RSPH1: variants seen among roughly 807,000 people sequenced by gnomAD.
RSPH1 encodes radial spoke head component 1.
A neutral mutation model predicts 44.2 loss-of-function variants in RSPH1; 32 were observed. The observed-to-expected ratio is 0.72, with a 90% CI of 0.55 to 0.97. The LOEUF is 0.97. Among genes scored for constraint, RSPH1 ranks in the 50% least tolerant of loss-of-function variants. RSPH1 has a pLI of 0.00. For synonymous variants in RSPH1, 134 were observed against 147.3 expected, an observed-to-expected ratio of 0.91 and a Z score of 0.65; for missense variants, 391 against 398.7, an observed-to-expected ratio of 0.98 and a Z score of 0.16.
At chr21:42,494,651 G>C (rs1256707533) in intron 1 of RSPH1, among the ~76,000 whole-genome samples, 1 of 151,964 alleles carries the variant, frequency 6.6e-6, no homozygotes, top group Non-Finnish European at 1.5e-5. Flanking sequence ...TAGAAATCTT[G>C]CTGGTCAAGT....
chr21:42,482,096 G>GTTTTT (rs2054133833), intron 6 of RSPH1, among the ~76,000 whole-genome samples: 1 of 152,070 alleles, frequency 6.6e-6, no homozygotes, highest in African/African-American at 2.4e-5. Flanking sequence ...TTGTTTGTTT[G>GTTTTT]TTTTTGAGAC....
chr21:42,474,721 C>G lies in RSPH1; in HGVS notation c.877+1177G>C, dbSNP rs2054025763. 6.7e-6 allele frequency among the ~76,000 whole-genome samples: 1 copy of G among 149,068 alleles called. No individual in the cohort carries two copies. The highest frequency in any genetic ancestry group is 1.5e-5 in the Non-Finnish European group (1 of 68,002). On this transcript the variant is annotated intron_variant, in intron 8 of 8. Transcript: ENST00000291536. The surrounding 1 kb of genome is among the most constrained non-coding windows in gnomAD (Gnocchi z 5.2). ...CTTGTAAAGCCAGGTTTCCACCTGA[C>G]CCCACGTCCCACCTCAGCACTGCGT...
At chr21:42,490,739 T>C (rs1157245757) in intron 3 of RSPH1, among the ~76,000 whole-genome samples, 1 of 152,216 alleles carries the variant, frequency 6.6e-6, no homozygotes, top group Non-Finnish European at 1.5e-5. Context: ...TTATTCAAAA[T>C]GAGACTCTTT....
intron 6 of RSPH1, among the ~76,000 whole-genome samples, chr21:42,482,334 C>T (rs927402979): frequency 2.6e-5 from 4 of 152,204 alleles, no homozygotes; most frequent in African/African-American, 7.2e-5. Flanking sequence ...TCCACCGCTT[C>T]GGCCTCCCAA....
chr21:42,490,390 G>A (rs1230526652), intron 3 of RSPH1, among the ~76,000 whole-genome samples: 1 of 152,218 alleles, frequency 6.6e-6, no homozygotes. Context: ...ACACTGTTAT[G>A]AATAACTCAG....
At chr21:42,494,120 T>C (rs1345732273) in intron 1 of RSPH1, among the ~76,000 whole-genome samples, 2 of 152,186 alleles carry the variant, frequency 1.3e-5, no homozygotes, top group Non-Finnish European at 2.9e-5. Flanking sequence ...CTTCAGAAAA[T>C]AAATGTTCCT....
Position 42,476,059 on chromosome 21 carries a change from C to T in RSPH1, c.728-12G>A. On this transcript the variant is annotated splice_polypyrimidine_tract_variant and intron_variant, in intron 7 of 8. Coordinates refer to ENST00000291536, the MANE Select transcript of RSPH1 (RefSeq NM_080860.4). Reference sequence around the variant, plus strand: ...GGGTTCTCCTGCACCTGAGATAAAACACAAGTCAGAAGCCTGAGTTCCTGG... The same window carrying T: ...GGGTTCTCCTGCACCTGAGATAAAATACAAGTCAGAAGCCTGAGTTCCTGG... 6 of 1,613,572 alleles carry T rather than the reference C, an allele frequency of 3.7e-6. No individual in the cohort carries two copies. The highest frequency in any genetic ancestry group is 1.6e-4 in the Middle Eastern group (1 of 6,062).
intron 3 of RSPH1, among the ~76,000 whole-genome samples, chr21:42,490,350 T>C (rs2054224814): frequency 6.6e-6 from 1 of 152,220 alleles, no homozygotes; most frequent in South Asian, 2.1e-4. Flanking sequence ...AAAACCATTC[T>C]GGCCCATTGT....
At chr21:42,496,032 C>G in intron 1 of RSPH1, 101 bp downstream of exon 1, 1 of 1,362,416 alleles carries the variant, frequency 7.3e-7, no homozygotes, top group Non-Finnish European at 1.0e-6. Context: ...AGCTGTGGCT[C>G]AGACCTCTGG....
chr21:42,491,097 G>A (rs956554907), intron 3 of RSPH1, among the ~76,000 whole-genome samples: 4 of 152,156 alleles, frequency 2.6e-5, no homozygotes, highest in African/African-American at 9.7e-5. Flanking sequence ...CATGAGTAAA[G>A]TGCTTTCCTG....
In RSPH1 at chr21:42,476,105, C is replaced by T. The variant is rs575926084; in HGVS notation, c.728-58G>A. Reference sequence around the variant, plus strand: ...CCTGGGAAAAATGGAGCCTGCAGACCTGTGCAGGGCAGCTGTCCCCTGGGC... The same window carrying T: ...CCTGGGAAAAATGGAGCCTGCAGACTTGTGCAGGGCAGCTGTCCCCTGGGC... On this transcript the variant is annotated intron_variant, in intron 7 of 8. Coordinates refer to ENST00000291536, the MANE Select transcript of RSPH1 (RefSeq NM_080860.4). 18 of 1,573,744 alleles carry T rather than the reference C, an allele frequency of 1.1e-5. No homozygotes were observed. The South Asian group carries it at 1.7e-4, about 15-fold the overall frequency.
chr21:42,481,970 C>T (rs770866323), intron 6 of RSPH1, among the ~76,000 whole-genome samples: 3 of 152,198 alleles, frequency 2.0e-5, no homozygotes, highest in African/African-American at 4.8e-5. Context: ...AACGGACAAG[C>T]TAACAGTCAC....
At chr21:42,488,144 T>G (rs896093264) in intron 3 of RSPH1, among the ~76,000 whole-genome samples, 1 of 152,186 alleles carries the variant, frequency 6.6e-6, no homozygotes, top group Non-Finnish European at 1.5e-5. Flanking sequence ...CTAGGTCCCA[T>G]GATGTGATGT....
chr21:42,485,577 GT>G, intron 5 of RSPH1, 91 bp downstream of exon 5: 4 of 1,478,506 alleles, frequency 2.7e-6, no homozygotes, highest in Non-Finnish European at 3.7e-6. Flanking sequence ...TTTTCTCTGA[GT>G]TTTTGGTATT....
chr21:42,475,358 G>C (rs2054034707), intron 8 of RSPH1, among the ~76,000 whole-genome samples: 1 of 152,046 alleles, frequency 6.6e-6, no homozygotes, highest in Admixed American at 6.6e-5. Context: ...TGTGAGGTCA[G>C]GAGTTTGAGA....
intron 8 of RSPH1, among the ~76,000 whole-genome samples, chr21:42,473,549 T>A (rs1448942193): frequency 6.7e-6 from 1 of 150,288 alleles, no homozygotes; most frequent in Non-Finnish European, 1.5e-5. Context: ...TATATTTAAA[T>A]GTTTTGTGAA....
rs751918978 is a variant in RSPH1 at position 42,493,015 on chromosome 21, T to C, written c.119A>G (p.Asn40Ser). 1.5e-5 allele frequency: 25 copies of C among 1,614,240 alleles called. No individual in the cohort carries two copies. The East Asian group carries it at 4.5e-4, about 29-fold the overall frequency. ...GTAGCTCCCTTCGTAGGTGTCCCCG[T>C]TGGGTAGCCGTGCCCTCCCACGTCC... Reference protein sequence around the residue: ...RHGRGRARLPNGDTYEGSYEF... With the variant: ...RHGRGRARLPSGDTYEGSYEF... Residue 40 changes from asparagine (N) to serine (S), a missense_variant, in exon 2 of 9, where the codon AAC (asparagine) becomes AGC (serine). Physicochemically the swap from Asn to Ser is conservative, Grantham distance 46. Coordinates refer to ENST00000291536, the MANE Select transcript of RSPH1 (RefSeq NM_080860.4).
rs556286752 is a variant in RSPH1 at position 42,477,337 on chromosome 21, C to CT, written c.680dup (p.Pro228AlafsTer15). The CT allele has an allele frequency of 2.9e-5, 47 of 1,610,796 alleles. No homozygotes were observed. Among genetic ancestry groups the CT allele is most frequent in the Non-Finnish European group, 3.6e-5 (42 of 1,178,760 alleles). ...GGCCAGGTCCATCCGTAGAGGTCGG[C>CT]TTTTTGGGGAGAGTTGGTGTCCACA... On this transcript the variant is annotated frameshift_variant, in exon 7 of 9. Transcript: ENST00000291536. LOFTEE classifies it high-confidence loss of function.
chr21:42,478,310 T>C (rs2054091953), intron 6 of RSPH1, among the ~76,000 whole-genome samples: 1 of 152,258 alleles, frequency 6.6e-6, no homozygotes, highest in African/African-American at 2.4e-5. Context: ...GGGAAATCAA[T>C]TACTCTCTAT....
Sources: allele counts gnomAD v4.1 joint callset (sites outside exome capture counted in the v4.1 genomes callset), GRCh38; gene constraint gnomAD v4.1.1; non-coding constraint Gnocchi (gnomAD v3.1); transcripts MANE v1.5; gene names NCBI Gene and HGNC (gene_info 2026-07-23, HGNC 2026-07-21).